Variants in GRIK3 observed in about 807,000 individuals in gnomAD.
GRIK3 encodes the protein glutamate ionotropic receptor kainate type subunit 3.
In GRIK3, 29 loss-of-function variants were observed where a neutral mutation model predicts 102.5. That is an observed-to-expected ratio of 0.28 (90% CI 0.21 to 0.39). The LOEUF is 0.39. Ranked by LOEUF, GRIK3 falls within the 10% of genes least tolerant of loss-of-function variation. The pLI is 1.00. For synonymous variants in GRIK3, 511 were observed against 504.9 expected (o/e 1.01, Z -0.16); for missense variants, 908 against 1,252.4 (o/e 0.73, Z 4.15).
chr1:37,004,248 T>C (rs979182353), intron 1 of GRIK3, among the ~76,000 whole-genome samples: 8 of 152,170 alleles, frequency 5.3e-5, no homozygotes, highest in Non-Finnish European at 1.2e-4. Flanking sequence ...GCACCTTCTC[T>C]GAGTCTCAAT....
chr1:36,975,288 G>GTTTT lies in GRIK3; in HGVS notation c.115+58702_115+58705dup, dbSNP rs61125066. 4.1e-4 allele frequency among the ~76,000 whole-genome samples: 47 copies of GTTTT among 113,348 alleles called. 1 individual carries two copies. Among genetic ancestry groups the GTTTT allele is most frequent in the African/African-American group, 9.9e-4 (26 of 26,282 alleles). The allele number at this position is 113,348 out of a possible 152,430, so 74.4% of individuals were successfully genotyped here. A position where few individuals can be genotyped will look rare whatever the true frequency, so the allele number is the denominator to read the frequency against. ...AAATCAATGAGCTTATCTAAAGTTG[G>GTTTT]TTTTTTTTTTTTTTTTTTTTGAGAG... On this transcript the variant is annotated intron_variant, in intron 1 of 15. Transcript: ENST00000373091.
At chr1:36,858,719 C>T (rs1047554379) in intron 7 of GRIK3, among the ~76,000 whole-genome samples, 3 of 152,136 alleles carry the variant, frequency 2.0e-5, no homozygotes, top group Non-Finnish European at 4.4e-5. Context: ...TCTCACATGC[C>T]CACGAGGTAG....
At chr1:37,008,142 C>T (rs1479662740) in intron 1 of GRIK3, among the ~76,000 whole-genome samples, 2 of 152,234 alleles carry the variant, frequency 1.3e-5, no homozygotes, top group East Asian at 3.9e-4. Flanking sequence ...TTGCCTGCCA[C>T]TGCCAAGTGG....
intron 1 of GRIK3, among the ~76,000 whole-genome samples, chr1:37,022,216 CTGACCTATGA>C (rs1642722271): frequency 6.6e-6 from 1 of 152,208 alleles, no homozygotes; most frequent in African/African-American, 2.4e-5. Flanking sequence ...AGACAGAGAC[CTGACCTATGA>C]TGGGCAGCAG....
At chr1:36,875,019 G>A (rs967520298) in intron 3 of GRIK3, among the ~76,000 whole-genome samples, 1 of 152,162 alleles carries the variant, frequency 6.6e-6, no homozygotes, top group Non-Finnish European at 1.5e-5. Context: ...AATCATGGTT[G>A]TTGGAATCAT....
intron 1 of GRIK3, among the ~76,000 whole-genome samples, chr1:36,975,799 C>A (rs1213267987): frequency 1.3e-5 from 2 of 152,202 alleles, no homozygotes; most frequent in Non-Finnish European, 2.9e-5. Flanking sequence ...ATTCTTATTT[C>A]CTTGTCTGTT....
chr1:36,988,184 C>T (rs1001092803), intron 1 of GRIK3, among the ~76,000 whole-genome samples: 4 of 152,290 alleles, frequency 2.6e-5, no homozygotes, highest in African/African-American at 9.6e-5. Context: ...TCAGCTACTC[C>T]AGAAGCTGAG....
intron 10 of GRIK3, among the ~76,000 whole-genome samples, chr1:36,831,824 G>T (rs1007606285): frequency 1.3e-5 from 2 of 152,164 alleles, no homozygotes; most frequent in Non-Finnish European, 2.9e-5. Flanking sequence ...GGTGGCTGCC[G>T]CATTGAAAGG....
In GRIK3 at chr1:36,850,339, T is replaced by C; in HGVS notation, c.1298A>G (p.Asn433Ser). Residue 433 changes from asparagine to serine, a missense_variant, in exon 9 of 16, where the codon AAC (asparagine) becomes AGC (serine). Asn to Ser is a conservative substitution (Grantham distance 46, BLOSUM62 1). Transcript: ENST00000373091. The surrounding 1 kb of genome is among the most constrained non-coding windows in gnomAD (Gnocchi z 4.0). ...CACTGTGGTGACAATGAGTGATCTG[T>C]TTGTCAGAGAGTCGGTGACATTAGG... ...RGPNVTDSLT[N>S]RSLIVTTVLE... is the part of the protein sequence containing the mutation. The C allele has an allele frequency of 6.2e-7, 1 of 1,611,096 alleles. No individual in the cohort carries two copies. The highest frequency in any genetic ancestry group is 8.5e-7 in the Non-Finnish European group (1 of 1,177,196).
At chr1:36,901,849 C>G (rs367871036) in intron 1 of GRIK3, among the ~76,000 whole-genome samples, 20 of 152,324 alleles carry the variant, frequency 1.3e-4, no homozygotes, top group South Asian at 6.2e-4. Flanking sequence ...AAAGAGAAAA[C>G]TACCTCTTGG....
intron 8 of GRIK3, among the ~76,000 whole-genome samples, chr1:36,851,876 C>T (rs1366907618): frequency 6.6e-6 from 1 of 152,180 alleles, no homozygotes; most frequent in Non-Finnish European, 1.5e-5. Context: ...TTATTGATGC[C>T]TTTTATGGCA....
intron 9 of GRIK3, among the ~76,000 whole-genome samples, chr1:36,844,447 T>C (rs1468163091): frequency 6.6e-6 from 1 of 152,226 alleles, no homozygotes; most frequent in African/African-American, 2.4e-5. Context: ...GCAATGCTCC[T>C]GCACCCTGGC....
intron 1 of GRIK3, among the ~76,000 whole-genome samples, chr1:37,012,930 C>T (rs1570865489): frequency 6.6e-6 from 1 of 152,336 alleles, no homozygotes; most frequent in Non-Finnish European, 1.5e-5. Context: ...ACGGTGGTTT[C>T]TCTTCCTGGG....
At chr1:37,003,250 G>A (rs1015569292) in intron 1 of GRIK3, among the ~76,000 whole-genome samples, 4 of 152,004 alleles carry the variant, frequency 2.6e-5, no homozygotes, top group Non-Finnish European at 5.9e-5. Flanking sequence ...TGAATGAAAA[G>A]TGAGCTATCA....
At chr1:36,823,501 A>T (rs1215202870) in intron 11 of GRIK3, among the ~76,000 whole-genome samples, 3 of 145,946 alleles carry the variant, frequency 2.1e-5, no homozygotes, top group Admixed American at 2.0e-4. Flanking sequence ...AAAAAAAAAA[A>T]TTAAACTAGT....
chr1:36,921,049 T>A (rs970043757), intron 1 of GRIK3, among the ~76,000 whole-genome samples: 2 of 152,180 alleles, frequency 1.3e-5, no homozygotes, highest in African/African-American at 4.8e-5. Flanking sequence ...AGAGTGGGCA[T>A]GGCGGGGCAG....
At chr1:36,889,476 GGAAA>G (rs1641078565) in intron 2 of GRIK3, among the ~76,000 whole-genome samples, 1 of 152,064 alleles carries the variant, frequency 6.6e-6, no homozygotes, top group South Asian at 2.1e-4. Context: ...GACGATTTGG[GGAAA>G]GACCATGAGA....
intron 1 of GRIK3, among the ~76,000 whole-genome samples, chr1:36,940,949 AT>A (rs1210912919): frequency 6.6e-6 from 1 of 152,196 alleles, no homozygotes; most frequent in Admixed American, 6.5e-5. Flanking sequence ...ACACACATGT[AT>A]TTTAAATGTC....
At chr1:36,944,494 A>G (rs1308478782) in intron 1 of GRIK3, among the ~76,000 whole-genome samples, 1 of 152,068 alleles carries the variant, frequency 6.6e-6, no homozygotes, top group Admixed American at 6.6e-5. Flanking sequence ...GGAAGAAGAA[A>G]AGAGGAGGGA....
Sources: allele counts gnomAD v4.1 joint callset (sites outside exome capture counted in the v4.1 genomes callset), GRCh38; gene constraint gnomAD v4.1.1; non-coding constraint Gnocchi (gnomAD v3.1); transcripts MANE v1.5; gene names NCBI Gene and HGNC (gene_info 2026-07-23, HGNC 2026-07-21).